NEBL: variants seen among roughly 807,000 people sequenced by gnomAD.
NEBL encodes LIM and SH3 protein 2.
Under a neutral mutation model 140.2 loss-of-function variants are expected in NEBL, and 122 were observed. The ratio of observed to expected loss-of-function variants is 0.87; its 90% CI spans 0.75 to 1.01. The LOEUF (loss-of-function observed/expected upper bound fraction) is 1.01. Among genes scored for constraint, NEBL ranks in the 50% least tolerant of loss-of-function variants. The pLI is 0.00. For missense variants in NEBL, 1,365 were observed against 1,231.3 expected (o/e 1.11, Z -1.62); for synonymous variants, 436 against 398.9 (o/e 1.09, Z -1.11).
At chr10:20,885,348 C>T (rs935688793) in intron 4 of NEBL, among the ~76,000 whole-genome samples, 1 of 152,166 alleles carries the variant, frequency 6.6e-6, no homozygotes, top group Non-Finnish European at 1.5e-5. Flanking sequence ...TTACATAAAT[C>T]TTTGAAGTAG....
chr10:21,292,474 G>A (rs1341462470), intron 1 of NEBL, among the ~76,000 whole-genome samples: 1 of 152,162 alleles, frequency 6.6e-6, no homozygotes. Context: ...TGAAATAAAT[G>A]TTAGACCCCT....
At chr10:21,159,475 T>G (rs1173010441) in intron 2 of NEBL, among the ~76,000 whole-genome samples, 1 of 152,166 alleles carries the variant, frequency 6.6e-6, no homozygotes, top group Non-Finnish European at 1.5e-5. Context: ...TGTTCTAAAG[T>G]CCTCACAACT....
Position 20,991,679 on chromosome 10 carries a change from G to A in NEBL, c.249+28438C>T, listed in dbSNP as rs754326931. Reference sequence around the variant, plus strand: ...TTGTTACATGGGTATGTTTCATGATGCAGAGGTTTGGGCTTTTAATGACCT... The same window carrying A: ...TTGTTACATGGGTATGTTTCATGATACAGAGGTTTGGGCTTTTAATGACCT... On this transcript the variant is annotated intron_variant, in intron 3 of 6. Coordinates refer to the NEBL transcript ENST00000417816. Among the ~76,000 whole-genome samples, 102 of 151,764 alleles carry A rather than the reference G, an allele frequency of 6.7e-4. 2 individuals are homozygous for A. Among genetic ancestry groups the A allele is most frequent in the Non-Finnish European group, 8.5e-4 (58 of 67,962 alleles).
intron 2 of NEBL, among the ~76,000 whole-genome samples, chr10:21,150,289 T>A (rs897120347): frequency 4.6e-5 from 7 of 152,360 alleles, no homozygotes; most frequent in South Asian, 2.1e-4. Flanking sequence ...AAGCTTTCGC[T>A]TCTCATCAAC....
chr10:21,020,331 T>C, intron 2 of NEBL: 1 of 762,832 alleles, frequency 1.3e-6, no homozygotes, highest in Non-Finnish European at 2.3e-6. Context: ...TGAGCTTGGC[T>C]AAGGTCATCT....
intron 1 of NEBL, among the ~76,000 whole-genome samples, chr10:21,278,931 C>A (rs1233755396): frequency 6.6e-6 from 1 of 152,126 alleles, no homozygotes; most frequent in Non-Finnish European, 1.5e-5. Context: ...ATTGTATGTG[C>A]ATGGCACCTC....
At chr10:21,162,431 G>C (rs1049154799) in intron 2 of NEBL, among the ~76,000 whole-genome samples, 2 of 152,180 alleles carry the variant, frequency 1.3e-5, no homozygotes, top group African/African-American at 4.8e-5. Flanking sequence ...GGCTTGAAGT[G>C]AGAGCAAATT....
chr10:21,276,549 G>A (rs1310354062), intron 1 of NEBL, among the ~76,000 whole-genome samples: 3 of 152,308 alleles, frequency 2.0e-5, no homozygotes, highest in Middle Eastern at 6.8e-3. Context: ...ATTGCCACTC[G>A]AGTATGATGG....
chr10:21,031,378 G>A (rs1443670621), intron 2 of NEBL, among the ~76,000 whole-genome samples: 1 of 152,114 alleles, frequency 6.6e-6, no homozygotes, highest in Admixed American at 6.5e-5. Context: ...GGAACAACAG[G>A]AACAAACACA....
At chr10:21,056,087 T>C (rs1458485539) in intron 2 of NEBL, among the ~76,000 whole-genome samples, 1 of 152,238 alleles carries the variant, frequency 6.6e-6, no homozygotes, top group Non-Finnish European at 1.5e-5. Flanking sequence ...TGCTGAGCTC[T>C]GACACAGGCT....
intron 4 of NEBL, among the ~76,000 whole-genome samples, chr10:20,923,700 A>G (rs1833722681): frequency 6.7e-6 from 1 of 148,872 alleles, no homozygotes; most frequent in South Asian, 2.1e-4. Flanking sequence ...AAAAAAAGAA[A>G]TGGTTTCTTG....
chr10:21,138,944 C>T (rs189444395), intron 2 of NEBL, among the ~76,000 whole-genome samples: 15 of 152,154 alleles, frequency 9.9e-5, no homozygotes, highest in Non-Finnish European at 1.8e-4. Flanking sequence ...GTAAATAGCA[C>T]ATCGTAATAA....
At position 21,173,880 on chromosome 10, in the gene NEBL, G is replaced by A. The variant is rs748696668; in HGVS notation, c.-47C>T. On this transcript the variant is annotated 5_prime_UTR_variant, in exon 1 of 7. Transcript: ENST00000417816. This position sits in a 1 kb window ranked among gnomAD's most constrained non-coding sequence, Gnocchi z 5.7. ...CGGCGGCGGCGGCTGCTGGCTCCCA[G>A]GAGCCGCTGTGACATCCCCCGGCGA... is the stretch of plus-strand genomic sequence containing the variant. 5.2e-5 allele frequency: 83 copies of A among 1,601,436 alleles called. No homozygotes were observed. The highest frequency in any genetic ancestry group is 6.8e-5 in the Non-Finnish European group (80 of 1,177,450).
intron 3 of NEBL, among the ~76,000 whole-genome samples, chr10:21,240,289 G>A (rs1487997389): frequency 3.9e-5 from 6 of 152,154 alleles, no homozygotes; most frequent in Non-Finnish European, 7.3e-5. Context: ...TAGGATCGTA[G>A]AGATTCGTTG....
At chr10:21,111,013 A>T in intron 2 of NEBL, 1 of 313,214 alleles carries the variant, frequency 3.2e-6, no homozygotes. Context: ...AGAGAATAAA[A>T]CACCGAGGAA....
intron 3 of NEBL, among the ~76,000 whole-genome samples, chr10:20,964,676 A>C (rs1836212526): frequency 6.6e-6 from 1 of 152,180 alleles, no homozygotes. Context: ...ACAAACATCC[A>C]AACCATATCA....
Position 20,840,015 on chromosome 10 carries a change from G to A in NEBL, c.1338+724C>T, listed in dbSNP as rs527388603. Among the ~76,000 whole-genome samples the A allele has an allele frequency of 3.3e-5, 5 of 152,250 alleles. No homozygotes were observed. In the South Asian group the frequency reaches 1.0e-3, roughly 32 times the overall value. On this transcript the variant is annotated intron_variant, in intron 13 of 27. Transcript: ENST00000377122. ...TCAATCTTCGGATTTTCTATTCCAT[G>A]AGTGAAGACATCTCCTTTGATGCCT...
chr10:21,185,775 G>T (rs185522015), intron 3 of NEBL, among the ~76,000 whole-genome samples: 2 of 152,208 alleles, frequency 1.3e-5, no homozygotes, highest in African/African-American at 2.4e-5. Context: ...TGGGATTACA[G>T]GCGTGACCCA....
intron 3 of NEBL, among the ~76,000 whole-genome samples, chr10:21,247,088 T>C (rs1363801394): frequency 6.6e-6 from 1 of 152,138 alleles, no homozygotes; most frequent in Non-Finnish European, 1.5e-5. Context: ...TGTGAAGATG[T>C]GCCTGCTTCC....
Sources: allele counts gnomAD v4.1 joint callset (sites outside exome capture counted in the v4.1 genomes callset), GRCh38; gene constraint gnomAD v4.1.1; non-coding constraint Gnocchi (gnomAD v3.1); transcripts MANE v1.5; gene names NCBI Gene and HGNC (gene_info 2026-07-23, HGNC 2026-07-21).